Variants in ENTPD1 observed in about 807,000 individuals in gnomAD.
The protein encoded by ENTPD1 is ATP diphosphohydrolase.
A neutral mutation model predicts 57.0 loss-of-function variants in ENTPD1; 33 were observed. The ratio of observed to expected loss-of-function variants is 0.58; its 90% CI spans 0.44 to 0.77. ENTPD1 has a LOEUF of 0.77. Ranked by LOEUF, ENTPD1 falls within the 30% of genes least tolerant of loss-of-function variation. ENTPD1 has a pLI of 0.00. For synonymous variants in ENTPD1, 202 were observed against 218.8 expected, an observed-to-expected ratio of 0.92 and a Z score of 0.68; for missense variants, 501 against 603.4, an observed-to-expected ratio of 0.83 and a Z score of 1.78.
intron 1 of ENTPD1, among the ~76,000 whole-genome samples, chr10:95,803,750 T>A (rs1278722818): frequency 6.6e-6 from 1 of 152,238 alleles, no homozygotes; most frequent in Non-Finnish European, 1.5e-5. Context: ...CCATTGCTTT[T>A]GGTGTTTTAG....
At chr10:95,836,720 G>T (rs750611183) in intron 2 of ENTPD1, among the ~76,000 whole-genome samples, 6 of 152,202 alleles carry the variant, frequency 3.9e-5, no homozygotes, top group African/African-American at 1.4e-4. Flanking sequence ...ACATTCTCCA[G>T]ACTTCTGGGA....
In ENTPD1 at chr10:95,791,906, T is replaced by TG. The variant is rs1008435616; in HGVS notation, c.17-31325dup. Among the ~76,000 whole-genome samples, 1 of 151,986 alleles carries TG rather than the reference T, an allele frequency of 6.6e-6. No individual in the cohort carries two copies. Among genetic ancestry groups the TG allele is most frequent in the African/African-American group, 2.4e-5 (1 of 41,374 alleles). ...GTTTGAAAAAGAGAAATCATGTTCA[T>TG]GGGGGGTATTTTAGAAGTCAGCATG... On this transcript the variant is annotated intron_variant, in intron 1 of 9. Transcript: ENST00000371205. The surrounding 1 kb of genome is among the most constrained non-coding windows in gnomAD (Gnocchi z 4.1).
rs1452186062 is a variant in ENTPD1, at chr10:95,866,596, G to GA, written c.*213_*214insA. 6 of 1,410,140 alleles carry GA rather than the reference G, an allele frequency of 4.3e-6. No homozygotes were observed. The African/African-American group carries it at 8.7e-5, about 20-fold the overall frequency. The allele number at this position is 1,410,140 out of a possible 1,614,324, so 87.4% of individuals were successfully genotyped here. A position where few individuals can be genotyped will look rare whatever the true frequency, so the allele number is the denominator to read the frequency against. On this transcript the variant is annotated 3_prime_UTR_variant, in exon 10 of 10. Transcript: ENST00000371205. ...TCGGCAGATACTGTCTCTTTCATGA[G>GA]TTTTTCCCAGCTACACCTTTCTCCT...
At chr10:95,800,921 C>T (rs765789928) in intron 1 of ENTPD1, among the ~76,000 whole-genome samples, 2 of 152,102 alleles carry the variant, frequency 1.3e-5, no homozygotes, top group African/African-American at 2.4e-5. Flanking sequence ...GACATACATC[C>T]TCAGCTTAAG....
intron 1 of ENTPD1, among the ~76,000 whole-genome samples, chr10:95,808,913 G>A (rs1227906719): frequency 6.6e-6 from 1 of 152,074 alleles, no homozygotes; most frequent in African/African-American, 2.4e-5. Context: ...AGATTAGGGA[G>A]TGGTGATGAC....
chr10:95,719,855 C>T (rs901605813), intron 1 of ENTPD1, among the ~76,000 whole-genome samples: 6 of 152,180 alleles, frequency 3.9e-5, no homozygotes, highest in Non-Finnish European at 8.8e-5. Flanking sequence ...GAAGGATCTT[C>T]AAAGGCAAAC....
At chr10:95,724,827 A>T (rs2097981875) in intron 1 of ENTPD1, among the ~76,000 whole-genome samples, 1 of 152,206 alleles carries the variant, frequency 6.6e-6, no homozygotes, top group African/African-American at 2.4e-5. Context: ...ATAGAGTGAA[A>T]ACAGAGCTCC....
chr10:95,696,101 T>A, the ENTPD1 span, among the ~76,000 whole-genome samples: 1 of 152,174 alleles, frequency 6.6e-6, no homozygotes, highest in Admixed American at 6.5e-5. Flanking sequence ...TTGAAGTAAT[T>A]TTAGAGATGA....
At position 95,839,593 on chromosome 10, in the gene ENTPD1, T is replaced by G. The variant is rs2098418362; in HGVS notation, c.145-98T>G. 9.2e-6 allele frequency: 11 copies of G among 1,194,604 alleles called. No homozygotes were observed. In the South Asian group the frequency reaches 1.3e-4, roughly 14 times the overall value. 74.0% of individuals were successfully genotyped at this position (1,194,604 alleles called of 1,614,324 possible). On this transcript the variant is annotated intron_variant, in intron 2 of 9. Transcript: ENST00000371205. ...CTCAATGTTCCTCTCAAATACTTTC[T>G]CCTCATGTTTTTGAAAATTCCAGTC...
chr10:95,709,528 T>C (rs2097963896), upstream of ENTPD1, among the ~76,000 whole-genome samples: 1 of 152,002 alleles, frequency 6.6e-6, no homozygotes, highest in Non-Finnish European at 1.5e-5. Context: ...GGATTACAGG[T>C]GCCTGCCACC....
intron 1 of ENTPD1, among the ~76,000 whole-genome samples, chr10:95,803,495 A>G (rs1013362327): frequency 8.5e-5 from 13 of 152,346 alleles, no homozygotes; most frequent in African/African-American, 3.1e-4. Context: ...TGTTGGCTGC[A>G]TAGATGTCCT....
intron 1 of ENTPD1, among the ~76,000 whole-genome samples, chr10:95,721,671 G>A (rs965823899): frequency 7.1e-6 from 1 of 141,296 alleles, no homozygotes; most frequent in Non-Finnish European, 1.5e-5. Context: ...TGCCTTAGGG[G>A]TAATGTTTCC....
At chr10:95,841,620 C>G (rs890031668) in intron 3 of ENTPD1, among the ~76,000 whole-genome samples, 1 of 152,172 alleles carries the variant, frequency 6.6e-6, no homozygotes, top group African/African-American at 2.4e-5. Flanking sequence ...AATAATTATC[C>G]TTAAAGCAAT....
chr10:95,797,775 C>A (rs917411542), intron 1 of ENTPD1, among the ~76,000 whole-genome samples: 2 of 152,142 alleles, frequency 1.3e-5, no homozygotes, highest in African/African-American at 4.8e-5. Context: ...AGGGATCCAC[C>A]CCTGTGACGC....
intron 7 of ENTPD1, among the ~76,000 whole-genome samples, chr10:95,849,727 T>C (rs2098441648): frequency 6.6e-6 from 1 of 152,214 alleles, no homozygotes; most frequent in South Asian, 2.1e-4. Context: ...CAGAGTAATA[T>C]TTGGTTATTA....
At chr10:95,714,513 A>G (rs1589635038) in intron 1 of ENTPD1, among the ~76,000 whole-genome samples, 1 of 152,116 alleles carries the variant, frequency 6.6e-6, no homozygotes, top group African/African-American at 2.4e-5. Context: ...TGTCTACCAA[A>G]CCATGTGTTT....
intron 1 of ENTPD1, among the ~76,000 whole-genome samples, chr10:95,724,394 G>A (rs1414072142): frequency 6.6e-6 from 1 of 152,098 alleles, no homozygotes; most frequent in African/African-American, 2.4e-5. Context: ...CTTGTTCTTA[G>A]AGCTCCCAAG....
chr10:95,764,847 G>A (rs1237848538), intron 1 of ENTPD1, among the ~76,000 whole-genome samples: 10 of 150,164 alleles, frequency 6.7e-5, no homozygotes, highest in Admixed American at 1.3e-4. Context: ...CTCAGCCTCC[G>A]GAGTAGCTGG....
chr10:95,700,380 T>C, the ENTPD1 span, among the ~76,000 whole-genome samples: 58 of 152,190 alleles, frequency 3.8e-4, no homozygotes, highest in African/African-American at 1.3e-3. Flanking sequence ...AAGAATTAAA[T>C]TGGTTAAGGA....
Sources: allele counts gnomAD v4.1 joint callset (sites outside exome capture counted in the v4.1 genomes callset), GRCh38; gene constraint gnomAD v4.1.1; non-coding constraint Gnocchi (gnomAD v3.1); transcripts MANE v1.5; gene names NCBI Gene and HGNC (gene_info 2026-07-23, HGNC 2026-07-21).